DENND2C: variants seen among roughly 807,000 people sequenced by gnomAD.
DENND2C encodes the protein DENN domain-containing protein 2C.
Under a neutral mutation model 112.4 loss-of-function variants are expected in DENND2C, and 72 were observed. The observed-to-expected ratio is 0.64, with a 90% CI of 0.53 to 0.78. The LOEUF (loss-of-function observed/expected upper bound fraction) is 0.78, where lower values mean the gene tolerates loss of function less well. Ranked by LOEUF, DENND2C falls within the 30% of genes least tolerant of loss-of-function variation. DENND2C has a pLI of 0.00. For missense variants in DENND2C, 992 were observed against 1,113.8 expected (o/e 0.89, Z 1.56); for synonymous variants, 329 against 381.6 (o/e 0.86, Z 1.61).
chr1:114,641,623 T>C (rs988080856), intron 3 of DENND2C, among the ~76,000 whole-genome samples: 6 of 152,162 alleles, frequency 3.9e-5, no homozygotes, highest in Non-Finnish European at 5.9e-5. Flanking sequence ...CTTTCCACCA[T>C]GATTGTAACC....
intron 10 of DENND2C, among the ~76,000 whole-genome samples, chr1:114,605,726 C>T (rs919297573): frequency 6.6e-6 from 1 of 152,090 alleles, no homozygotes; most frequent in African/African-American, 2.4e-5. Flanking sequence ...CCTGGGAGGA[C>T]GAGGCTGCAG....
At chr1:114,622,109 TG>T (rs1386758055) in intron 6 of DENND2C, 44 bp from the exon 7 acceptor site, 9 of 1,476,606 alleles carry the variant, frequency 6.1e-6, no homozygotes, top group Middle Eastern at 3.6e-4. Flanking sequence ...CTAGTTTTGC[TG>T]TTGTTGCTTG....
chr1:114,618,484 T>C lies in DENND2C; in HGVS notation c.1228-2A>G, dbSNP rs779473620. 3.2e-6 allele frequency: 5 copies of C among 1,545,006 alleles called. No homozygotes were observed. Among genetic ancestry groups the C allele is most frequent in the Non-Finnish European group, 4.4e-6 (5 of 1,146,182 alleles). On this transcript the variant is annotated splice_acceptor_variant, in intron 7 of 20. Coordinates refer to ENST00000393274, the MANE Select transcript of DENND2C (RefSeq NM_001256404.2). LOFTEE classifies it high-confidence loss of function. ...TATGTCATCTATTTTCAATACAAGC[T>C]GAAAAAAGACCAGAAAAATACAAAT... is the stretch of plus-strand genomic sequence containing the variant.
intron 3 of DENND2C, among the ~76,000 whole-genome samples, chr1:114,633,431 C>A (rs1339143833): frequency 8.8e-6 from 1 of 114,112 alleles, no homozygotes; most frequent in Non-Finnish European, 1.7e-5. Flanking sequence ...CAGAGTGAGA[C>A]CCTATCTCAA....
At chr1:114,638,762 C>CAAAAAAAAAAAAAAAAAAAAAAAAAAA (rs35740017) in intron 3 of DENND2C, among the ~76,000 whole-genome samples, 1 of 84,164 alleles carries the variant, frequency 1.2e-5, no homozygotes, top group African/African-American at 4.4e-5. Flanking sequence ...GACCTTGTCT[C>CAAAAAAAAAAAAAAAAAAAAAAAAAAA]AAAAAAAAAA....
chr1:114,613,667 G>A (rs2101657341), intron 8 of DENND2C, among the ~76,000 whole-genome samples: 1 of 152,010 alleles, frequency 6.6e-6, no homozygotes, highest in Admixed American at 6.6e-5. Flanking sequence ...AAGAAAGGGA[G>A]AAAAGGCAAT....
chr1:114,632,201 G>T (rs1329578160), intron 3 of DENND2C, among the ~76,000 whole-genome samples: 2 of 152,128 alleles, frequency 1.3e-5, no homozygotes, highest in Non-Finnish European at 2.9e-5. Context: ...CATATAACTG[G>T]AGTCGCAGAA....
At chr1:114,634,880 T>C (rs747880610) in intron 3 of DENND2C, among the ~76,000 whole-genome samples, 4 of 151,550 alleles carry the variant, frequency 2.6e-5, no homozygotes, top group Non-Finnish European at 4.4e-5. Context: ...ATACAAAAAT[T>C]AGCCAGGCGA....
chr1:114,658,252 C>T (rs1173659608), intron 1 of DENND2C, among the ~76,000 whole-genome samples: 1 of 151,954 alleles, frequency 6.6e-6, no homozygotes. Context: ...TGAAAAAAAC[C>T]TTTGAGAATA....
intron 9 of DENND2C, among the ~76,000 whole-genome samples, chr1:114,609,639 C>G (rs994244710): frequency 6.6e-6 from 1 of 152,190 alleles, no homozygotes; most frequent in Non-Finnish European, 1.5e-5. Context: ...CTGAAGGAAA[C>G]TGTGGACTTG....
intron 2 of DENND2C, among the ~76,000 whole-genome samples, chr1:114,653,089 A>G (rs1657214653): frequency 6.6e-6 from 1 of 152,020 alleles, no homozygotes; most frequent in South Asian, 2.1e-4. Context: ...TTGTACCAAT[A>G]AAGTTTTTTT....
At chr1:114,636,023 T>G (rs1656647497) in intron 3 of DENND2C, among the ~76,000 whole-genome samples, 1 of 149,644 alleles carries the variant, frequency 6.7e-6, no homozygotes, top group African/African-American at 2.4e-5. Flanking sequence ...AATAAATAAA[T>G]AAAACATATA....
intron 2 of DENND2C, among the ~76,000 whole-genome samples, chr1:114,648,508 G>A (rs2101687088): frequency 6.6e-6 from 1 of 152,310 alleles, no homozygotes; most frequent in South Asian, 2.1e-4. Context: ...CTGTATAAGA[G>A]AAGAATTACA....
At chr1:114,625,129 T>A (rs1460381691) in intron 4 of DENND2C, 50 bp downstream of exon 4, 11 of 1,506,022 alleles carry the variant, frequency 7.3e-6, no homozygotes, top group Non-Finnish European at 8.9e-6. Context: ...AGCTCAATAA[T>A]CCTGTAAGGA....
chr1:114,600,916 A>G lies in DENND2C; in HGVS notation c.1860T>C (p.Leu620=), dbSNP rs748569569. 2 of 1,614,028 alleles carry G rather than the reference A, an allele frequency of 1.2e-6. No homozygotes were observed. Among genetic ancestry groups the G allele is most frequent in the South Asian group, 2.2e-5 (2 of 91,070 alleles). The change falls in exon 14 of 21, where the codon CTT becomes CTC. Residue 620 remains leucine (L), a synonymous_variant. Transcript: ENST00000393274. ...VEKRREMSPA[L]VYPFMRSVME... ...TGACACTTCGCATGAATGGGTAAAC[A>G]AGGGCTGGAGACATTTCTCTTCTCT... is the stretch of plus-strand genomic sequence containing the variant.
At chr1:114,600,775 C>G (rs1479150517) in intron 14 of DENND2C, 45 bp downstream of exon 14, 2 of 1,589,974 alleles carry the variant, frequency 1.3e-6, no homozygotes, top group South Asian at 2.3e-5. Context: ...AGTGTAAGTC[C>G]TGCTTTTTAG....
chr1:114,662,597 A>G (rs1271559041), intron 1 of DENND2C, among the ~76,000 whole-genome samples: 1 of 152,184 alleles, frequency 6.6e-6, no homozygotes, highest in Admixed American at 6.5e-5. Context: ...TAAATGCTAA[A>G]AACTCTGTTT....
chr1:114,585,693 AG>A, intron 20 of DENND2C, 62 bp from the exon 21 acceptor site: 2 of 1,548,642 alleles, frequency 1.3e-6, no homozygotes. Context: ...ACATTATTTG[AG>A]GTAAGGGATT....
rs1657256667 is a variant in DENND2C, at chr1:114,654,635, C to T, written c.-447G>A. On this transcript the variant is annotated 5_prime_UTR_variant, in exon 2 of 21. Transcript: ENST00000393274. ...AATACTATGTGCCAATCACTTCAAT[C>T]ACACTATCACAATTAATTTTCATAG... The T allele has an allele frequency of 6.6e-6, 1 of 152,008 alleles. No homozygotes were observed. Among genetic ancestry groups the T allele is most frequent in the Admixed American group, 6.6e-5 (1 of 15,238 alleles). The allele number at this position is 152,008 out of a possible 1,614,324, so 9.4% of individuals were successfully genotyped here.
Sources: allele counts gnomAD v4.1 joint callset (sites outside exome capture counted in the v4.1 genomes callset), GRCh38; gene constraint gnomAD v4.1.1; transcripts MANE v1.5; gene names NCBI Gene and HGNC (gene_info 2026-07-23, HGNC 2026-07-21).